Variants in CNTN5 observed in about 807,000 individuals in gnomAD.
CNTN5 encodes contactin-5.
Under a neutral mutation model 129.1 loss-of-function variants are expected in CNTN5, and 77 were observed. The observed-to-expected ratio is 0.60, with a 90% CI of 0.50 to 0.72. The LOEUF is 0.72. Among genes scored for constraint, CNTN5 ranks in the 30% least tolerant of loss-of-function variants. The pLI is 0.00. For missense variants in CNTN5, 1,478 were observed against 1,328.8 expected, an observed-to-expected ratio of 1.11 and a Z score of -1.75; for synonymous variants, 509 against 465.6, an observed-to-expected ratio of 1.09 and a Z score of -1.20.
At chr11:99,852,142 C>G (rs1227180662) in intron 6 of CNTN5, among the ~76,000 whole-genome samples, 1 of 152,008 alleles carries the variant, frequency 6.6e-6, no homozygotes, top group Non-Finnish European at 1.5e-5. Context: ...ACTTTATCTT[C>G]CATATACAAA....
Position 100,074,170 on chromosome 11 carries a change from C to G in CNTN5, c.1456C>G (p.Gln486Glu). ...LASAPTFALN[Q>E]LKKTIIVTKD... is the part of the protein sequence containing the mutation. ...TTCAGCTCCCACTTTTGCACTGAAT[C>G]AACTGAAGAAAACAATAATTGTTAC... Residue 486 changes from glutamine to glutamate, a missense_variant, in exon 13 of 25, where the codon CAA becomes GAA. Transcript: ENST00000524871. 1 of 1,612,590 alleles carries G rather than the reference C, an allele frequency of 6.2e-7. No homozygotes were observed. Among genetic ancestry groups the G allele is most frequent in the Non-Finnish European group, 8.5e-7 (1 of 1,179,238 alleles).
chr11:99,681,777 A>G (rs1953565923), intron 3 of CNTN5, among the ~76,000 whole-genome samples: 1 of 152,040 alleles, frequency 6.6e-6, no homozygotes, highest in Non-Finnish European at 1.5e-5. Context: ...CCTTAGATCT[A>G]TATATTGAAA....
At chr11:100,043,990 T>G (rs1054556560) in intron 9 of CNTN5, among the ~76,000 whole-genome samples, 1 of 152,042 alleles carries the variant, frequency 6.6e-6, no homozygotes, top group South Asian at 2.1e-4. Flanking sequence ...ATCACCTGAA[T>G]AATGTACATT....
intron 3 of CNTN5, among the ~76,000 whole-genome samples, chr11:99,764,869 A>T (rs1216221138): frequency 6.6e-6 from 1 of 152,128 alleles, no homozygotes; most frequent in East Asian, 1.9e-4. Context: ...CTTATTTGAT[A>T]GCTCAAGTCT....
chr11:100,021,912 G>A (rs541316528), intron 9 of CNTN5, among the ~76,000 whole-genome samples: 13 of 152,248 alleles, frequency 8.5e-5, no homozygotes, highest in Admixed American at 7.2e-4. Context: ...TTTGAGGGCA[G>A]GAAGCAACCA....
chr11:99,969,941 C>T (rs1334559284), intron 8 of CNTN5, among the ~76,000 whole-genome samples: 1 of 152,154 alleles, frequency 6.6e-6, no homozygotes, highest in Non-Finnish European at 1.5e-5. Context: ...GTGAATACTT[C>T]TATCTCTGTT....
chr11:99,289,353 G>A (rs755151395), intron 1 of CNTN5, among the ~76,000 whole-genome samples: 5 of 151,866 alleles, frequency 3.3e-5, no homozygotes, highest in East Asian at 1.9e-4. Context: ...TAGAAAATAA[G>A]TAGTCTCTTA....
chr11:100,122,303 C>T (rs1482010244), intron 13 of CNTN5, among the ~76,000 whole-genome samples: 1 of 151,926 alleles, frequency 6.6e-6, no homozygotes, highest in Admixed American at 6.6e-5. Context: ...GAATGTCTTC[C>T]AAGTTCAGCA....
chr11:100,305,908 A>G (rs1951337172), intron 20 of CNTN5, among the ~76,000 whole-genome samples: 1 of 151,144 alleles, frequency 6.6e-6, no homozygotes, highest in African/African-American at 2.4e-5. Context: ...GTTTTGGACC[A>G]CACATAAAAT....
rs191760429 is a variant in CNTN5, at chr11:99,659,492, A to G, written c.55+103223A>G. On this transcript the variant is annotated intron_variant, in intron 3 of 24. Coordinates refer to ENST00000524871, the MANE Select transcript of CNTN5 (RefSeq NM_014361.4). ...ACTAGTCTTAGTTCTTCAGAAAAACAGAACAAATTGGGTGTGTATATGTAT... is the reference window on the plus strand; with the variant it reads ...ACTAGTCTTAGTTCTTCAGAAAAACGGAACAAATTGGGTGTGTATATGTAT... 1.4e-4 allele frequency among the ~76,000 whole-genome samples: 21 copies of G among 152,306 alleles called. No homozygotes were observed. In the East Asian group the frequency reaches 3.9e-3, roughly 28 times the overall value.
Position 100,271,188 on chromosome 11 carries a change from T to C in CNTN5, c.2261T>C (p.Ile754Thr), listed in dbSNP as rs199552479. Residue 754 changes from isoleucine (I) to threonine (T), a missense_variant, in exon 18 of 25, where the codon ATT becomes ACT. Ile to Thr is a moderately conservative substitution (Grantham distance 89). Coordinates refer to ENST00000524871, the MANE Select transcript of CNTN5 (RefSeq NM_014361.4). ...TTTCGAGTGGTAGCCACCAACCCTA[T>C]TGGGACAGGAGATCCAAGCACCCCA... is the stretch of plus-strand genomic sequence containing the variant. Reference protein sequence around the residue: ...YEFRVVATNPIGTGDPSTPSR... With the variant: ...YEFRVVATNPTGTGDPSTPSR... 6.2e-6 allele frequency: 10 copies of C among 1,613,030 alleles called. No homozygotes were observed. The highest frequency in any genetic ancestry group is 1.1e-5 in the South Asian group (1 of 90,972).
intron 3 of CNTN5, among the ~76,000 whole-genome samples, chr11:99,692,665 T>A (rs1340019408): frequency 2.0e-5 from 3 of 152,116 alleles, no homozygotes; most frequent in Admixed American, 6.6e-5. Flanking sequence ...CATCCCTCAA[T>A]ATTTTTTCTT....
intron 1 of CNTN5, among the ~76,000 whole-genome samples, chr11:99,226,468 C>T (rs17133310): frequency 0.017 from 2,658 of 152,228 alleles, 43 homozygotes; most frequent in African/African-American, 0.038. Context: ...CCTTGCGCTT[C>T]GTATCTTCTG....
In CNTN5 at chr11:99,148,694, A is replaced by G. The variant is rs116536754; in HGVS notation, c.-210+127424A>G. On this transcript the variant is annotated intron_variant, in intron 1 of 24. Transcript: ENST00000524871. ...ATAATTAATTATGTTGTGGGTTGCTATGTAGGGATTCAAAGTACAGAAGCA... is the reference window on the plus strand; with the variant it reads ...ATAATTAATTATGTTGTGGGTTGCTGTGTAGGGATTCAAAGTACAGAAGCA... Among the ~76,000 whole-genome samples, 617 of 152,224 alleles carry G rather than the reference A, an allele frequency of 4.1e-3. 4 individuals carry two copies. The highest frequency in any genetic ancestry group is 0.014 in the African/African-American group (572 of 41,546).
chr11:99,029,966 A>C (rs892250898), intron 1 of CNTN5, among the ~76,000 whole-genome samples: 11 of 152,186 alleles, frequency 7.2e-5, no homozygotes, highest in Non-Finnish European at 1.0e-4. Context: ...AAAGAGAAGA[A>C]TGGAATGAAA....
chr11:100,231,920 A>C (rs1316617536), intron 16 of CNTN5, among the ~76,000 whole-genome samples: 1 of 152,136 alleles, frequency 6.6e-6, no homozygotes, highest in Admixed American at 6.5e-5. Flanking sequence ...TTTGGAAGGC[A>C]AGGTGGGCAG....
At chr11:99,881,439 G>A (rs1007333562) in intron 6 of CNTN5, among the ~76,000 whole-genome samples, 2 of 152,066 alleles carry the variant, frequency 1.3e-5, no homozygotes, top group African/African-American at 4.8e-5. Context: ...GGAATGTATG[G>A]TACATTTCCT....
In CNTN5 at chr11:100,158,222, C is replaced by T. The variant is rs142098833; in HGVS notation, c.1581-32904C>T. 1.6e-3 allele frequency among the ~76,000 whole-genome samples: 249 copies of T among 151,804 alleles called. 1 individual carries two copies. Among genetic ancestry groups the T allele is most frequent in the Non-Finnish European group, 2.4e-3 (160 of 67,796 alleles). ...TCACACAAACAAACCAAAATCAAAA[C>T]GAACAAAATGGATCAGGGTTACTGG... is the stretch of plus-strand genomic sequence containing the variant. On this transcript the variant is annotated intron_variant, in intron 13 of 24. Transcript: ENST00000524871.
chr11:99,726,200 A>G (rs1459881664), intron 3 of CNTN5, among the ~76,000 whole-genome samples: 1 of 152,198 alleles, frequency 6.6e-6, no homozygotes, highest in African/African-American at 2.4e-5. Flanking sequence ...ATCCTCCCCA[A>G]AGAGTCCTAA....
Sources: allele counts gnomAD v4.1 joint callset (sites outside exome capture counted in the v4.1 genomes callset), GRCh38; gene constraint gnomAD v4.1.1; transcripts MANE v1.5; gene names NCBI Gene and HGNC (gene_info 2026-07-23, HGNC 2026-07-21).